The following TTC7B variants were observed in gnomAD, a reference collection of about 807,000 sequenced individuals.
TTC7B encodes tetratricopeptide repeat protein 7B.
TTC7B carries 28 observed loss-of-function variants against 106.8 expected under a neutral mutation model. That is an observed-to-expected ratio of 0.26 (90% CI 0.19 to 0.36). The LOEUF is 0.36. TTC7B is among the 10% of genes least tolerant of loss of function. The pLI is 1.00. For missense variants in TTC7B, 862 were observed against 1,076.4 expected (o/e 0.80, Z 2.79); for synonymous variants, 405 against 430.6 (o/e 0.94, Z 0.74).
chr14:90,705,785 C>T (rs1176142692), intron 5 of TTC7B, among the ~76,000 whole-genome samples: 2 of 152,158 alleles, frequency 1.3e-5, no homozygotes, highest in Non-Finnish European at 2.9e-5. Context: ...GCCTTGTCCA[C>T]TTTTTTTCAC....
chr14:90,557,834 G>T lies in TTC7B; in HGVS notation c.2311-16245C>A, dbSNP rs542773669. Among the ~76,000 whole-genome samples the T allele has an allele frequency of 9.2e-5, 14 of 152,368 alleles. 1 individual carries two copies. The South Asian group carries it at 2.7e-3, about 29-fold the overall frequency. ...GCAGCGGAGTGGAGTGGTGACAGAC[G>T]ATGGGCTAGTGGGGAGTTCTGGAAG... On this transcript the variant is annotated intron_variant, in intron 19 of 19. Coordinates refer to ENST00000328459, the MANE Select transcript of TTC7B (RefSeq NM_001010854.2).
intron 6 of TTC7B, among the ~76,000 whole-genome samples, chr14:90,691,406 C>A (rs1302600275): frequency 6.6e-6 from 1 of 152,116 alleles, no homozygotes; most frequent in Non-Finnish European, 1.5e-5. Context: ...CAGTTCTCTA[C>A]CTATTAAGAA....
intron 9 of TTC7B, among the ~76,000 whole-genome samples, chr14:90,671,807 G>C (rs1444704979): frequency 6.6e-6 from 1 of 152,206 alleles, no homozygotes; most frequent in Non-Finnish European, 1.5e-5. Flanking sequence ...AGTCCATAAG[G>C]AAAGAAAGGC....
chr14:90,611,545 C>T (rs1429777484), intron 16 of TTC7B, among the ~76,000 whole-genome samples: 2 of 152,142 alleles, frequency 1.3e-5, no homozygotes, highest in East Asian at 3.9e-4. Flanking sequence ...CTAGTGTTCC[C>T]AAGCTGGAGA....
intron 19 of TTC7B, among the ~76,000 whole-genome samples, chr14:90,571,188 A>G (rs549014856): frequency 6.6e-6 from 1 of 152,376 alleles, no homozygotes; most frequent in South Asian, 2.1e-4. Context: ...TTCTTTGTAG[A>G]GAAAGGTAAT....
At chr14:90,618,122 G>C (rs1893164765) in intron 15 of TTC7B, 77 bp from the exon 16 acceptor site, 2 of 1,066,972 alleles carry the variant, frequency 1.9e-6, no homozygotes, top group South Asian at 1.3e-5. Flanking sequence ...CAAGTGGTGG[G>C]CTTAGACCCA....
chr14:90,729,836 C>G (rs1889256464), intron 5 of TTC7B, among the ~76,000 whole-genome samples: 1 of 152,118 alleles, frequency 6.6e-6, no homozygotes, highest in African/African-American at 2.4e-5. Context: ...AGGCTGTGTA[C>G]TTTTGACTTG....
At chr14:90,616,528 G>A (rs1362018534) in intron 16 of TTC7B, among the ~76,000 whole-genome samples, 1 of 151,434 alleles carries the variant, frequency 6.6e-6, no homozygotes, top group South Asian at 2.1e-4. Flanking sequence ...GGTGGGGGCT[G>A]GGGCTGCCTG....
At chr14:90,747,551 T>C (rs1890006867) in intron 3 of TTC7B, among the ~76,000 whole-genome samples, 1 of 152,214 alleles carries the variant, frequency 6.6e-6, no homozygotes, top group South Asian at 2.1e-4. Context: ...TGACCCTGTA[T>C]ATGGTCAATC....
At chr14:90,783,506 A>G (rs139301116) in intron 2 of TTC7B, among the ~76,000 whole-genome samples, 117 of 152,356 alleles carry the variant, frequency 7.7e-4, no homozygotes, top group African/African-American at 2.8e-3. Flanking sequence ...GAATTTCTCC[A>G]TTTGAGCCTC....
intron 9 of TTC7B, chr14:90,676,260 T>C (rs1444656172): frequency 3.3e-6 from 1 of 304,114 alleles, no homozygotes; most frequent in Non-Finnish European, 6.0e-6. Flanking sequence ...GCTTGAGAAA[T>C]GTTTGCCTTC....
chr14:90,597,007 C>G (rs571448799), intron 17 of TTC7B, among the ~76,000 whole-genome samples: 1 of 152,274 alleles, frequency 6.6e-6, no homozygotes, highest in South Asian at 2.1e-4. Context: ...TTCCAACAAT[C>G]CAGACTAAAA....
chr14:90,668,688 T>C (rs936314519), intron 9 of TTC7B, among the ~76,000 whole-genome samples: 2 of 152,194 alleles, frequency 1.3e-5, no homozygotes, highest in African/African-American at 4.8e-5. Context: ...ATGGAATCTG[T>C]TCAAGTTCAT....
At chr14:90,636,245 C>T (rs535566481) in intron 15 of TTC7B, among the ~76,000 whole-genome samples, 1 of 151,924 alleles carries the variant, frequency 6.6e-6, no homozygotes, top group East Asian at 1.9e-4. Flanking sequence ...TATGGCTACA[C>T]ATATATATGT....
rs114431657 is a variant in TTC7B at position 90,723,753 on chromosome 14, C to T, written c.698+6322G>A. ...CCCATTCACTTCCTAGCACCTATTC[C>T]AATTTGTAATTATATATGACCAGTA... On this transcript the variant is annotated intron_variant, in intron 5 of 19. Transcript: ENST00000328459. Among the ~76,000 whole-genome samples the T allele has an allele frequency of 7.3e-3, 1,115 of 152,276 alleles. 18 individuals are homozygous for T. Among genetic ancestry groups the T allele is most frequent in the African/African-American group, 0.026 (1,073 of 41,536 alleles).
intron 4 of TTC7B, among the ~76,000 whole-genome samples, chr14:90,740,181 T>A (rs993484048): frequency 3.9e-5 from 6 of 152,204 alleles, no homozygotes; most frequent in African/African-American, 1.2e-4. Context: ...CCCATTTTCT[T>A]GGCCCCGCCT....
intron 9 of TTC7B, among the ~76,000 whole-genome samples, chr14:90,662,826 G>A (rs893004495): frequency 6.6e-6 from 1 of 152,084 alleles, no homozygotes; most frequent in African/African-American, 2.4e-5. Context: ...CTTATATTAG[G>A]AATGGAAACA....
At chr14:90,676,902 C>A (rs1489718854) in intron 8 of TTC7B, among the ~76,000 whole-genome samples, 1 of 152,190 alleles carries the variant, frequency 6.6e-6, no homozygotes, top group Non-Finnish European at 1.5e-5. Flanking sequence ...GCACCTGTAC[C>A]TGTCGACAGG....
chr14:90,683,389 T>C (rs914864559), intron 7 of TTC7B, among the ~76,000 whole-genome samples: 1 of 152,176 alleles, frequency 6.6e-6, no homozygotes, highest in Non-Finnish European at 1.5e-5. Flanking sequence ...AGCTGAGGCA[T>C]GGAGGCCAAG....
Sources: gnomAD v4.1 joint callset for allele counts (sites outside exome capture counted in the v4.1 genomes callset) on GRCh38, gnomAD v4.1.1 for gene constraint, MANE v1.5 for transcripts, NCBI Gene and HGNC (gene_info 2026-07-23, HGNC 2026-07-21) for gene names.